Variants in SH2D1A observed in about 807,000 individuals in gnomAD.
The protein encoded by SH2D1A is SH2 domain-containing protein 1A.
In SH2D1A, 6 loss-of-function variants were observed where a neutral mutation model predicts 10.1. The observed-to-expected ratio is 0.60, with a 90% CI of 0.33 to 1.18. The LOEUF (loss-of-function observed/expected upper bound fraction) is 1.18, where lower values mean the gene tolerates loss of function less well. SH2D1A is among the 50% of genes most tolerant of loss of function. SH2D1A has a pLI of 0.04. For missense variants in SH2D1A, 51 were observed against 97.6 expected (o/e 0.52, Z 2.01); for synonymous variants, 42 against 36.9 (o/e 1.14, Z -0.51).
At chrX:124,358,798 C>T (rs755733110) in intron 1 of SH2D1A, among the ~76,000 whole-genome samples, 8 of 111,313 alleles carry the variant, frequency 7.2e-5, no homozygotes, top group Non-Finnish European at 1.1e-4. Context: ...AATGTTCATA[C>T]AAATCACCTG....
chrX:124,368,276 A>C (rs1282082981), intron 2 of SH2D1A, among the ~76,000 whole-genome samples: 1 of 110,235 alleles, frequency 9.1e-6, no homozygotes, highest in African/African-American at 3.3e-5. Context: ...TCAGCTTCCC[A>C]AGTAGCCGGG....
rs1018831931 is a variant in SH2D1A at position 124,357,109 on chromosome X, C to T, written c.138-8652C>T. 4.5e-5 allele frequency among the ~76,000 whole-genome samples: 5 copies of T among 111,445 alleles called. No homozygotes were observed. The East Asian group carries it at 1.4e-3, about 31-fold the overall frequency. On this transcript the variant is annotated intron_variant, in intron 1 of 3. Coordinates refer to ENST00000371139, the MANE Select transcript of SH2D1A (RefSeq NM_002351.5). ...TTTCCTCCTAACCTAAATCTTTTAT[C>T]CTTTGACCCAAATTTCCCAATCCCC... is the stretch of plus-strand genomic sequence containing the variant.
rs1463436828 is a variant in SH2D1A, at chrX:124,366,873, AC to A, written c.201+1050del. Among the ~76,000 whole-genome samples, 103 of 80,350 alleles carry A rather than the reference AC, an allele frequency of 1.3e-3. 1 individual carries two copies. Among genetic ancestry groups the A allele is most frequent in the Middle Eastern group, 5.9e-3 (1 of 169 alleles). 69.8% of individuals were successfully genotyped at this position (80,350 alleles called of 115,157 possible). A position where few individuals can be genotyped will look rare whatever the true frequency, so the allele number is the denominator to read the frequency against. ...AGAAAGTTATGTGTAAAATATACTG[AC>A]AAACACACACACACACACACACACA... On this transcript the variant is annotated intron_variant, in intron 2 of 3. Coordinates refer to ENST00000371139, the MANE Select transcript of SH2D1A (RefSeq NM_002351.5).
chrX:124,369,724 T>C (rs2239481), intron 2 of SH2D1A, among the ~76,000 whole-genome samples: 18,746 of 111,218 alleles, frequency 0.17, 1,326 homozygotes, highest in East Asian at 0.32. Flanking sequence ...GCAGGGAGGA[T>C]GGGTTGTTGG....
In SH2D1A at chrX:124,346,611, C is replaced by G. The variant is rs376198128; in HGVS notation, c.-32C>G. ...AGCGGCATCTCCCTTGCACAGTTCTCCTCCTCGGCCTGCCCAAGAGTCCAC... is the reference window on the plus strand; with the variant it reads ...AGCGGCATCTCCCTTGCACAGTTCTGCTCCTCGGCCTGCCCAAGAGTCCAC... On this transcript the variant is annotated 5_prime_UTR_variant, in exon 1 of 4. Coordinates refer to ENST00000371139, the MANE Select transcript of SH2D1A (RefSeq NM_002351.5). 4 of 1,208,723 alleles carry G rather than the reference C, an allele frequency of 3.3e-6. No individual in the cohort carries two copies. The African/African-American group carries it at 7.0e-5, about 21-fold the overall frequency.
At chrX:124,360,600 TAAAAAAAAAAAA>T (rs57948305) in intron 1 of SH2D1A, among the ~76,000 whole-genome samples, 1 of 30,794 alleles carries the variant, frequency 3.2e-5, no homozygotes, top group Admixed American at 4.5e-4. Flanking sequence ...AAGACACCAT[TAAAAAAAAAAAA>T]AAAAAAAAAA....
intron 1 of SH2D1A, among the ~76,000 whole-genome samples, chrX:124,352,584 A>G (rs779178791): frequency 2.7e-5 from 3 of 111,786 alleles, no homozygotes; most frequent in Non-Finnish European, 5.7e-5. Flanking sequence ...AGTTCTATTT[A>G]CATTTCTGCA....
At chrX:124,364,327 A>G (rs187245542) in intron 1 of SH2D1A, 214 of 212,578 alleles carry the variant, frequency 1.0e-3, no homozygotes, top group African/African-American at 6.0e-3. Context: ...TACATAAAAT[A>G]AAAATTTTGA....
At chrX:124,353,059 CCT>C (rs1204433980) in intron 1 of SH2D1A, 1 of 114,208 alleles carries the variant, frequency 8.8e-6, no homozygotes, top group Non-Finnish European at 1.8e-5. Context: ...ATTCAAATCC[CCT>C]GATTTGATTA....
chrX:124,368,454 T>C (rs925405190), intron 2 of SH2D1A, among the ~76,000 whole-genome samples: 1 of 112,139 alleles, frequency 8.9e-6, no homozygotes, highest in South Asian at 3.7e-4. Context: ...CTTCTGTTGA[T>C]AAATGACTTT....
chrX:124,372,539 AAGAC>A lies in SH2D1A; in HGVS notation c.*1150_*1153del. The A allele has an allele frequency of 5.8e-6, 1 of 172,272 alleles. No homozygotes were observed. The highest frequency in any genetic ancestry group is 1.1e-5 in the Non-Finnish European group (1 of 89,420). The allele number at this position is 172,272 out of a possible 1,213,427, so 14.2% of individuals were successfully genotyped here. A position where few individuals can be genotyped will look rare whatever the true frequency, so the allele number is the denominator to read the frequency against. Reference sequence around the variant, plus strand: ...AGACAGTGAAAGAAAATAACAATAAAAGACAAGGAAAAAATAACAATGAAAGTTG... The same window carrying A: ...AGACAGTGAAAGAAAATAACAATAAAAAGGAAAAAATAACAATGAAAGTTG... On this transcript the variant is annotated 3_prime_UTR_variant, in exon 4 of 4. Coordinates refer to ENST00000371139, the MANE Select transcript of SH2D1A (RefSeq NM_002351.5).
At chrX:124,360,158 A>C (rs2060036599) in intron 1 of SH2D1A, among the ~76,000 whole-genome samples, 1 of 111,091 alleles carries the variant, frequency 9.0e-6, no homozygotes, top group Non-Finnish European at 1.9e-5. Flanking sequence ...TGCCCACCTC[A>C]GCCACCCAAA....
intron 2 of SH2D1A, among the ~76,000 whole-genome samples, chrX:124,367,990 A>G (rs1383860036): frequency 1.8e-5 from 2 of 111,919 alleles, no homozygotes; most frequent in Non-Finnish European, 3.8e-5. Flanking sequence ...GTCCTTATTA[A>G]TCTAAGTAAA....
chrX:124,368,558 G>A (rs1453425807), intron 2 of SH2D1A, among the ~76,000 whole-genome samples: 4 of 112,283 alleles, frequency 3.6e-5, no homozygotes, highest in South Asian at 3.7e-4. Flanking sequence ...CCCTAGCTTC[G>A]CTAGATCCTG....
In SH2D1A at chrX:124,368,621, C is replaced by G. The variant is rs140022052; in HGVS notation, c.202-1555C>G. Among the ~76,000 whole-genome samples, 268 of 112,403 alleles carry G rather than the reference C, an allele frequency of 2.4e-3. 2 individuals carry two copies. In the South Asian group the frequency reaches 0.058, roughly 24 times the overall value. On this transcript the variant is annotated intron_variant, in intron 2 of 3. Coordinates refer to ENST00000371139, the MANE Select transcript of SH2D1A (RefSeq NM_002351.5). ...AGAGACTGGGTCCTGGGATTCTGAG[C>G]CAGTTCTGCCTCTGGTTGTCTGTGT... is the stretch of plus-strand genomic sequence containing the variant.
chrX:124,372,819 G>A lies in SH2D1A; in HGVS notation c.*1428G>A, dbSNP rs2083445820. On this transcript the variant is annotated 3_prime_UTR_variant, in exon 4 of 4. Coordinates refer to ENST00000371139, the MANE Select transcript of SH2D1A (RefSeq NM_002351.5). ...TGATTTCTGAGCATTTAATATGGAT[G>A]CCGTGGGAGTACAAAAGTGGAGTGT... 6.1e-6 allele frequency: 1 copy of A among 162,716 alleles called. No homozygotes were observed. Among genetic ancestry groups the A allele is most frequent in the South Asian group, 3.3e-4 (1 of 3,072 alleles). 13.4% of individuals were successfully genotyped at this position (162,716 alleles called of 1,213,427 possible).
intron 1 of SH2D1A, among the ~76,000 whole-genome samples, chrX:124,351,411 TAGAA>T (rs987030143): frequency 9.1e-6 from 1 of 109,974 alleles, no homozygotes; most frequent in Non-Finnish European, 1.9e-5. Context: ...ATTATTTCCT[TAGAA>T]TGAATTTCCA....
intron 1 of SH2D1A, among the ~76,000 whole-genome samples, chrX:124,347,595 T>C (rs1276373238): frequency 9.0e-6 from 1 of 111,279 alleles, no homozygotes; most frequent in Non-Finnish European, 1.9e-5. Flanking sequence ...GATGTTAGGT[T>C]TGTGACTTGG....
At chrX:124,367,496 G>A (rs2060058828) in intron 2 of SH2D1A, 1 of 112,058 alleles carries the variant, frequency 8.9e-6, no homozygotes, top group African/African-American at 3.2e-5. Flanking sequence ...GTGACAGGAT[G>A]AGAGTTGTCA....
Sources: allele counts gnomAD v4.1 joint callset (sites outside exome capture counted in the v4.1 genomes callset), GRCh38; gene constraint gnomAD v4.1.1; transcripts MANE v1.5; gene names NCBI Gene and HGNC (gene_info 2026-07-23, HGNC 2026-07-21).